Variants in AFG1L observed in about 807,000 individuals in gnomAD.
AFG1L encodes the protein AFG1 like ATPase, also known as AFG1-like ATPase.
AFG1L carries 53 observed loss-of-function variants against 62.2 expected under a neutral mutation model. The ratio of observed to expected loss-of-function variants is 0.85; its 90% confidence interval spans 0.68 to 1.07. The LOEUF is 1.07. Ranked by LOEUF, AFG1L falls within the 50% of genes least tolerant of loss-of-function variation. The pLI, the probability that AFG1L is intolerant of heterozygous loss-of-function variation, is 0.00. For synonymous variants in AFG1L, 228 were observed against 210.3 expected (o/e 1.08, Z -0.73); for missense variants, 555 against 590.5 (o/e 0.94, Z 0.62).
chr6:108,390,593 C>A (rs1338744805), intron 6 of AFG1L, among the ~76,000 whole-genome samples: 1 of 152,202 alleles, frequency 6.6e-6, no homozygotes, highest in Non-Finnish European at 1.5e-5. Flanking sequence ...ACTGTCAGGA[C>A]CCTCAGCTGC....
intron 1 of AFG1L, among the ~76,000 whole-genome samples, chr6:108,320,189 G>T (rs1041084024): frequency 1.3e-5 from 2 of 152,170 alleles, no homozygotes; most frequent in African/African-American, 4.8e-5. Context: ...ACAGATCATG[G>T]TAGTGGTAAA....
chr6:108,481,422 T>C (rs1179048858), intron 10 of AFG1L, among the ~76,000 whole-genome samples: 2 of 152,168 alleles, frequency 1.3e-5, no homozygotes, highest in African/African-American at 4.8e-5. Flanking sequence ...GAGACCCTTT[T>C]AGGGGTCCTG....
chr6:108,374,587 AG>A lies in AFG1L; in HGVS notation c.748+8256del, dbSNP rs565762589. On this transcript the variant is annotated intron_variant, in intron 6 of 12. Transcript: ENST00000368977. The stretch of plus-strand genomic sequence containing the variant: ...TCCCAGCATCATTTATTGAATAGGG[AG>A]TCCTTTCCCCATTGCTTATTTTTGT... Among the ~76,000 whole-genome samples, 222 of 152,308 alleles carry A rather than the reference AG, an allele frequency of 1.5e-3. 1 individual carries two copies. The highest frequency in any genetic ancestry group is 7.5e-3 in the South Asian group (36 of 4,828).
intron 8 of AFG1L, among the ~76,000 whole-genome samples, chr6:108,456,312 G>A (rs1485484997): frequency 5.3e-5 from 8 of 151,884 alleles, no homozygotes; most frequent in Non-Finnish European, 1.2e-4. Flanking sequence ...GCCTATCTGT[G>A]TCTTTATATT....
chr6:108,394,841 A>AT (rs1450954274), intron 6 of AFG1L, among the ~76,000 whole-genome samples: 1 of 152,086 alleles, frequency 6.6e-6, no homozygotes, highest in Non-Finnish European at 1.5e-5. Context: ...AAATTGTCTG[A>AT]TTTTCCATTT....
At chr6:108,378,158 G>A (rs1582472208) in intron 6 of AFG1L, among the ~76,000 whole-genome samples, 1 of 150,812 alleles carries the variant, frequency 6.6e-6, no homozygotes, top group East Asian at 2.0e-4. Flanking sequence ...TTCCTTAAGT[G>A]AGCTTTTTAA....
At chr6:108,481,775 G>A (rs889892295) in intron 10 of AFG1L, among the ~76,000 whole-genome samples, 1 of 152,078 alleles carries the variant, frequency 6.6e-6, no homozygotes, top group Non-Finnish European at 1.5e-5. Context: ...CTGTCCTGGG[G>A]AAAAGCACTT....
At chr6:108,421,329 G>A (rs952121453) in intron 7 of AFG1L, among the ~76,000 whole-genome samples, 1 of 152,132 alleles carries the variant, frequency 6.6e-6, no homozygotes, top group African/African-American at 2.4e-5. Flanking sequence ...AGCCACAACT[G>A]TTTTCTTCAA....
intron 1 of AFG1L, among the ~76,000 whole-genome samples, chr6:108,318,998 C>T (rs1361910240): frequency 2.6e-5 from 4 of 152,188 alleles, no homozygotes. Context: ...AGTATCTTGC[C>T]TGACTGATTC....
Position 108,322,925 on chromosome 6 carries a change from G to A in AFG1L, c.140-900G>A, listed in dbSNP as rs188543950. On this transcript the variant is annotated intron_variant, in intron 1 of 12. Transcript: ENST00000368977. ...CGCCACAATCATTTCTCTCCCAGGA[G>A]AGGCCAAAAATAGGATCAGAACACC... 5.8e-4 allele frequency among the ~76,000 whole-genome samples: 89 copies of A among 152,294 alleles called. No homozygotes were observed. The Middle Eastern group carries it at 0.014, about 23-fold the overall frequency.
intron 8 of AFG1L, 96 bp downstream of exon 8, chr6:108,447,392 G>C: frequency 1.5e-6 from 1 of 650,086 alleles, no homozygotes; most frequent in Non-Finnish European, 2.6e-6. Flanking sequence ...TGAAAGGCTG[G>C]TTCTGAAGCC....
chr6:108,368,272 A>G (rs1405641119), intron 6 of AFG1L, among the ~76,000 whole-genome samples: 1 of 152,064 alleles, frequency 6.6e-6, no homozygotes, highest in Non-Finnish European at 1.5e-5. Flanking sequence ...CCCTACTATG[A>G]CATTTATACA....
intron 2 of AFG1L, among the ~76,000 whole-genome samples, chr6:108,341,042 G>A (rs1778660965): frequency 6.6e-6 from 1 of 152,078 alleles, no homozygotes; most frequent in South Asian, 2.1e-4. Context: ...AATATGGAGG[G>A]CCCAGAGAGA....
At chr6:108,408,620 A>AT (rs1781967523) in intron 7 of AFG1L, among the ~76,000 whole-genome samples, 1 of 152,004 alleles carries the variant, frequency 6.6e-6, no homozygotes, top group Admixed American at 6.6e-5. Flanking sequence ...TGCTTGCCTG[A>AT]TTTTTTTCCC....
At chr6:108,494,047 C>A (rs2114858308) in intron 10 of AFG1L, among the ~76,000 whole-genome samples, 1 of 152,228 alleles carries the variant, frequency 6.6e-6, no homozygotes, top group East Asian at 1.9e-4. Context: ...CCAGGCCAGT[C>A]TCGAGCTCAA....
At chr6:108,376,776 A>T (rs1003376265) in intron 6 of AFG1L, among the ~76,000 whole-genome samples, 10 of 152,140 alleles carry the variant, frequency 6.6e-5, no homozygotes, top group African/African-American at 2.4e-4. Flanking sequence ...CATATCTATT[A>T]GTCCAATTGG....
chr6:108,338,382 T>C (rs980404668), intron 2 of AFG1L, among the ~76,000 whole-genome samples: 2 of 152,228 alleles, frequency 1.3e-5, no homozygotes, highest in Non-Finnish European at 2.9e-5. Context: ...GAAAGAGCTC[T>C]GTGATCAAAT....
chr6:108,509,344 C>T (rs1774542925), intron 10 of AFG1L, among the ~76,000 whole-genome samples: 1 of 152,180 alleles, frequency 6.6e-6, no homozygotes. Context: ...CTTATTTAAG[C>T]CCTTCAGTAT....
intron 2 of AFG1L, among the ~76,000 whole-genome samples, chr6:108,340,260 T>A (rs1778630288): frequency 6.6e-6 from 1 of 152,094 alleles, no homozygotes; most frequent in South Asian, 2.1e-4. Context: ...TGAATAGGAC[T>A]CTTGTGTATT....
Sources: gnomAD v4.1 joint callset for allele counts (sites outside exome capture counted in the v4.1 genomes callset) on GRCh38, gnomAD v4.1.1 for gene constraint, MANE v1.5 for transcripts, NCBI Gene and HGNC (gene_info 2026-07-23, HGNC 2026-07-21) for gene names.